Variants in NAV2 observed in about 807,000 individuals in gnomAD.
NAV2 encodes the protein neuron navigator 2, also known as helicase, APC down-regulated 1.
A neutral mutation model predicts 223.2 loss-of-function variants in NAV2; 54 were observed. The observed-to-expected ratio is 0.24, with a 90% CI of 0.19 to 0.30. The LOEUF (loss-of-function observed/expected upper bound fraction) is 0.30. Among genes scored for constraint, NAV2 ranks in the 10% least tolerant of loss-of-function variants. The pLI, the probability that NAV2 is intolerant of heterozygous loss-of-function variation, is 1.00. For synonymous variants in NAV2, 1,279 were observed against 1,239.3 expected, an observed-to-expected ratio of 1.03 and a Z score of -0.67; for missense variants, 2,806 against 3,147.5, an observed-to-expected ratio of 0.89 and a Z score of 2.60.
At chr11:19,695,269 G>A (rs1457060892) in intron 1 of NAV2, among the ~76,000 whole-genome samples, 1 of 152,222 alleles carries the variant, frequency 6.6e-6, no homozygotes, top group African/African-American at 2.4e-5. Flanking sequence ...TTTGGAGTCT[G>A]CAATCCAAGT....
chr11:19,655,299 G>A (rs1361297920), intron 1 of NAV2, among the ~76,000 whole-genome samples: 2 of 152,194 alleles, frequency 1.3e-5, no homozygotes, highest in African/African-American at 4.8e-5. Flanking sequence ...TGGTGGGACT[G>A]TAAACTAGTT....
Position 19,948,608 on chromosome 11 carries a change from A to G in NAV2, c.2256-83A>G, listed in dbSNP as rs930061205. The G allele has an allele frequency of 6.5e-6, 9 of 1,380,192 alleles. No individual in the cohort carries two copies. The Admixed American group carries it at 7.4e-5, about 11-fold the overall frequency. 85.5% of individuals were successfully genotyped at this position (1,380,192 alleles called of 1,614,324 possible). ...CTATTTTATATATGAGGATTATTTC[A>G]TAATTCTAAATAATTAAAGAACATA... On this transcript the variant is annotated intron_variant, in intron 9 of 37. Transcript: ENST00000349880.
At chr11:20,050,534 C>T (rs2057886936) in intron 16 of NAV2, among the ~76,000 whole-genome samples, 2 of 150,152 alleles carry the variant, frequency 1.3e-5, no homozygotes, top group South Asian at 4.2e-4. Context: ...GGAGTGATGA[C>T]CTGGCCAAAC....
chr11:20,082,513 C>T, intron 25 of NAV2: 1 of 1,440,886 alleles, frequency 6.9e-7, no homozygotes, highest in Non-Finnish European at 9.8e-7. Context: ...CGAAGCTTTC[C>T]CTGTCACTGG....
chr11:19,828,956 C>T (rs7931531), intron 1 of NAV2, among the ~76,000 whole-genome samples: 28,631 of 152,104 alleles, frequency 0.19, 3,022 homozygotes, highest in East Asian at 0.3. Context: ...GTGGCCTCAC[C>T]GTGGCTCTAT....
intron 7 of NAV2, among the ~76,000 whole-genome samples, chr11:19,936,223 A>G (rs1384481450): frequency 6.6e-6 from 1 of 152,032 alleles, no homozygotes; most frequent in Non-Finnish European, 1.5e-5. Flanking sequence ...TGAAATTTTT[A>G]TAATTCCAAT....
intron 1 of NAV2, chr11:19,778,270 C>T (rs1590453598): frequency 2.3e-6 from 1 of 439,408 alleles, no homozygotes. Context: ...GACCATAATT[C>T]CCCCATTAAA....
At chr11:19,834,096 C>G (rs1272350450) in intron 2 of NAV2, among the ~76,000 whole-genome samples, 1 of 152,232 alleles carries the variant, frequency 6.6e-6, no homozygotes, top group East Asian at 1.9e-4. Context: ...CAGGATGATA[C>G]AAGGGCATGA....
intron 1 of NAV2, among the ~76,000 whole-genome samples, chr11:19,668,275 C>T (rs919988868): frequency 2.0e-5 from 3 of 152,164 alleles, no homozygotes; most frequent in South Asian, 2.1e-4. Context: ...TGGTGGCTTA[C>T]GCCTGTAATC....
At chr11:20,060,431 C>T (rs1039560606) in intron 19 of NAV2, among the ~76,000 whole-genome samples, 19 of 152,232 alleles carry the variant, frequency 1.2e-4, no homozygotes, top group Admixed American at 5.2e-4. Flanking sequence ...CACTGAAAGC[C>T]ATTATTGGCC....
rs16936950 is a variant in NAV2 at position 19,542,537 on chromosome 11, T to C, written c.75+191510T>C. Among the ~76,000 whole-genome samples the C allele has an allele frequency of 7.1e-3, 1,089 of 152,332 alleles. 14 individuals are homozygous for C. Among genetic ancestry groups the C allele is most frequent in the African/African-American group, 0.025 (1,021 of 41,578 alleles). On this transcript the variant is annotated intron_variant, in intron 1 of 37. Coordinates refer to the NAV2 transcript ENST00000360655. ...TGTGGAGTATTTACTAGGGGTCAGG[T>C]TCTATACTGAGGGGTTCCATATATA...
intron 12 of NAV2, among the ~76,000 whole-genome samples, chr11:20,043,124 G>A (rs1378423972): frequency 7.9e-5 from 12 of 152,138 alleles, no homozygotes; most frequent in East Asian, 3.9e-4. Flanking sequence ...TTGAGGATGC[G>A]CTTCCCCTCA....
chr11:19,891,256 C>A (rs190081773), intron 5 of NAV2, among the ~76,000 whole-genome samples: 1 of 152,200 alleles, frequency 6.6e-6, no homozygotes, highest in Non-Finnish European at 1.5e-5. Context: ...TAATGCTAGT[C>A]AGCTGAGGTT....
At position 19,713,558 on chromosome 11, in the gene NAV2, AT is replaced by A. The variant is rs1027631353; in HGVS notation, c.-128del. 5,800 of 1,224,324 alleles carry A rather than the reference AT, an allele frequency of 4.7e-3. No individual in the cohort carries two copies. The highest frequency in any genetic ancestry group is 0.021 in the South Asian group (1,003 of 47,758). The allele number at this position is 1,224,324 out of a possible 1,614,324, so 75.8% of individuals were successfully genotyped here. ...TTGCTTCGAGTTCCCCGACCTGGGG[AT>A]TTTTTTTTTAGCCGCTGGTGGTGGG... On this transcript the variant is annotated 5_prime_UTR_variant, in exon 1 of 38. Coordinates refer to ENST00000349880, the MANE Select transcript of NAV2 (RefSeq NM_145117.5). This position sits in a 1 kb window ranked among gnomAD's most constrained non-coding sequence, Gnocchi z 7.2.
intron 1 of NAV2, among the ~76,000 whole-genome samples, chr11:19,462,678 G>C (rs550406001): frequency 6.6e-6 from 1 of 152,208 alleles, no homozygotes; most frequent in Non-Finnish European, 1.5e-5. Context: ...ACCCAGAATG[G>C]GGTAGTGATG....
At chr11:19,345,306 G>A in the NAV2 span, among the ~76,000 whole-genome samples, 1 of 152,248 alleles carries the variant, frequency 6.6e-6, no homozygotes, top group Admixed American at 6.5e-5. This position sits in a 1 kb window ranked among gnomAD's most constrained non-coding sequence, Gnocchi z 5.2. Flanking sequence ...GCCGGTGTGG[G>A]CGCAGGTAGG....
At chr11:19,514,285 G>A (rs2043371338) in intron 1 of NAV2, among the ~76,000 whole-genome samples, 1 of 152,092 alleles carries the variant, frequency 6.6e-6, no homozygotes, top group Non-Finnish European at 1.5e-5. Flanking sequence ...CTTGGAGGGA[G>A]ACTGTTGTCC....
intron 6 of NAV2, among the ~76,000 whole-genome samples, chr11:19,914,735 G>A (rs1049454320): frequency 6.5e-4 from 98 of 151,416 alleles, no homozygotes; most frequent in African/African-American, 2.2e-3. Flanking sequence ...TAGTAGAGAC[G>A]GGGTTTCACC....
chr11:20,069,625 G>C (rs1482900026), intron 22 of NAV2, among the ~76,000 whole-genome samples: 2 of 152,156 alleles, frequency 1.3e-5, no homozygotes, highest in African/African-American at 4.8e-5. Context: ...GATATCGAAA[G>C]GTGCTAAGGT....
Sources: allele counts gnomAD v4.1 joint callset (sites outside exome capture counted in the v4.1 genomes callset), GRCh38; gene constraint gnomAD v4.1.1; non-coding constraint Gnocchi (gnomAD v3.1); transcripts MANE v1.5; gene names NCBI Gene and HGNC (gene_info 2026-07-23, HGNC 2026-07-21).